The following SUGP2 variants were observed in gnomAD, a reference collection of about 807,000 sequenced individuals.
SUGP2 encodes the protein SURP and G-patch domain-containing protein 2.
In SUGP2, 24 loss-of-function variants were observed where a neutral mutation model predicts 90.5. The ratio of observed to expected loss-of-function variants is 0.27; its 90% CI spans 0.19 to 0.37. The LOEUF (loss-of-function observed/expected upper bound fraction) is 0.37, where lower values mean the gene tolerates loss of function less well. SUGP2 is among the 10% of genes least tolerant of loss of function. The pLI is 1.00. For synonymous variants in SUGP2, 473 were observed against 513.4 expected (o/e 0.92, Z 1.06); for missense variants, 1,233 against 1,363.3 (o/e 0.90, Z 1.51).
At chr19:19,020,007 A>AAG (rs1268240147) in intron 3 of SUGP2, among the ~76,000 whole-genome samples, 2 of 147,748 alleles carry the variant, frequency 1.4e-5, no homozygotes, top group Non-Finnish European at 3.0e-5. Flanking sequence ...AAAAAAAAAA[A>AAG]AAAAAAATTA....
chr19:19,026,544 C>T (rs1162487326), intron 2 of SUGP2, among the ~76,000 whole-genome samples: 1 of 152,160 alleles, frequency 6.6e-6, no homozygotes, highest in Non-Finnish European at 1.5e-5. Flanking sequence ...GCACCAACAG[C>T]CCTCGCTCAT....
intron 1 of SUGP2, among the ~76,000 whole-genome samples, chr19:19,031,652 G>A (rs1331539204): frequency 2.0e-5 from 3 of 152,044 alleles, no homozygotes; most frequent in East Asian, 1.9e-4. Context: ...GCAGTGAGCC[G>A]AGATCATGCC....
intron 6 of SUGP2, among the ~76,000 whole-genome samples, chr19:19,006,198 C>T (rs946239319): frequency 2.0e-5 from 3 of 148,600 alleles, no homozygotes; most frequent in African/African-American, 5.0e-5. Flanking sequence ...CCAGCTTGGG[C>T]GACAGAGTGA....
At chr19:18,998,128 A>G (rs1472965942) in intron 8 of SUGP2, among the ~76,000 whole-genome samples, 1 of 152,170 alleles carries the variant, frequency 6.6e-6, no homozygotes, top group East Asian at 1.9e-4. Flanking sequence ...GCCTCCATTC[A>G]TCTCTCCTAA....
chr19:19,024,403 C>A (rs2058843577), intron 3 of SUGP2, among the ~76,000 whole-genome samples: 1 of 152,214 alleles, frequency 6.6e-6, no homozygotes, highest in Non-Finnish European at 1.5e-5. Context: ...TGCCACCACA[C>A]CCGGCTGTCT....
In SUGP2 at chr19:18,994,068, G is replaced by A. The variant is rs1465578644; in HGVS notation, c.*298C>T. 14 of 255,274 alleles carry A rather than the reference G, an allele frequency of 5.5e-5. 1 individual carries two copies. Among genetic ancestry groups the A allele is most frequent in the Admixed American group, 2.2e-4 (4 of 18,358 alleles). The allele number at this position is 255,274 out of a possible 1,614,324, so 15.8% of individuals were successfully genotyped here. ...AGACAGGCGTGGCCTATTTCCACAC[G>A]CACATCCACGGAGGCTGGCCTGGAG... On this transcript the variant is annotated intron_variant, in intron 10 of 10. Coordinates refer to ENST00000452918, the MANE Select transcript of SUGP2 (RefSeq NM_001017392.5).
At chr19:18,994,534 G>C (rs770790727) in intron 9 of SUGP2, 48 bp from the exon 10 acceptor site, 2 of 1,604,206 alleles carry the variant, frequency 1.2e-6, no homozygotes, top group South Asian at 2.2e-5. Context: ...CCCAGGGCCT[G>C]GCATGCCAGG....
Position 18,993,664 on chromosome 19 carries a change from G to C in SUGP2, c.*77C>G, listed in dbSNP as rs965971123. 6.5e-6 allele frequency: 1 copy of C among 152,690 alleles called. No individual in the cohort carries two copies. The highest frequency in any genetic ancestry group is 1.5e-5 in the Non-Finnish European group (1 of 68,088). The allele number at this position is 152,690 out of a possible 1,614,324, so 9.5% of individuals were successfully genotyped here. On this transcript the variant is annotated 3_prime_UTR_variant, in exon 11 of 11. Coordinates refer to ENST00000452918, the MANE Select transcript of SUGP2 (RefSeq NM_001017392.5). The stretch of plus-strand genomic sequence containing the variant: ...AAACCGTACTTGGGCACTGGCTCCA[G>C]GCCGATCCAGGGCAGGGATGATGTT...
chr19:19,031,048 C>T lies in SUGP2; in HGVS notation c.24G>A (p.Gln8=). ...CTTGTAATACAGCATCAAAAGTCTC[C>T]TGTGTAATTCGTCTGGCTGCCATGT... MAARRIT[Q]ETFDAVLQEK... The change falls in exon 2 of 11, where the codon CAG becomes CAA. Residue 8 remains glutamine (Q), a synonymous_variant. Transcript: ENST00000452918. The T allele has an allele frequency of 6.2e-7, 1 of 1,613,216 alleles. No homozygotes were observed. Among genetic ancestry groups the T allele is most frequent in the Non-Finnish European group, 8.5e-7 (1 of 1,179,834 alleles).
rs34670209 is a variant in SUGP2, at chr19:19,007,755, C to CTTTTTTTTTTTTTTTTTTTTTTTTTTT, written c.2450+561_2450+562insAAAAAAAAAAAAAAAAAAAAAAAAAAA. 1.8e-5 allele frequency among the ~76,000 whole-genome samples: 2 copies of CTTTTTTTTTTTTTTTTTTTTTTTTTTT among 113,434 alleles called. 1 individual carries two copies. The allele number at this position is 113,434 out of a possible 152,430, so 74.4% of individuals were successfully genotyped here. ...ACAAGCATGAGCCATTGCACCTAGC[C>CTTTTTTTTTTTTTTTTTTTTTTTTTTT]TTTTTTTTTTTTTTTTTTTTTGGAG... On this transcript the variant is annotated intron_variant, in intron 6 of 10. Transcript: ENST00000452918.
intron 9 of SUGP2, 68 bp from the exon 10 acceptor site, chr19:18,994,554 T>C: frequency 1.3e-6 from 2 of 1,591,224 alleles, no homozygotes; most frequent in Non-Finnish European, 1.7e-6. Flanking sequence ...GAACTGGGCA[T>C]GGGCACAAAC....
At chr19:19,005,028 T>C (rs772160978) in intron 6 of SUGP2, among the ~76,000 whole-genome samples, 1 of 152,132 alleles carries the variant, frequency 6.6e-6, no homozygotes. Context: ...CTCCCAGGTA[T>C]GAGAAGCATG....
intron 1 of SUGP2, among the ~76,000 whole-genome samples, chr19:19,031,471 TTGCAGTGGGCCGAGA>T (rs2059147073): frequency 6.6e-6 from 1 of 151,322 alleles, no homozygotes; most frequent in South Asian, 2.1e-4. Flanking sequence ...GAGGCGGAGG[TTGCAGTGGGCCGAGA>T]TCATGCCACT....
At chr19:19,023,629 T>C (rs2058811489) in intron 3 of SUGP2, among the ~76,000 whole-genome samples, 1 of 152,174 alleles carries the variant, frequency 6.6e-6, no homozygotes, top group Non-Finnish European at 1.5e-5. Context: ...CCAGGTGCAG[T>C]GACTCACACC....
At chr19:19,022,369 A>G (rs1325505381) in intron 3 of SUGP2, among the ~76,000 whole-genome samples, 1 of 152,218 alleles carries the variant, frequency 6.6e-6, no homozygotes, top group African/African-American at 2.4e-5. Context: ...CCCGCTATCC[A>G]GACAGGGAAC....
chr19:19,006,166 G>A (rs1259968389), intron 6 of SUGP2, among the ~76,000 whole-genome samples: 1 of 151,606 alleles, frequency 6.6e-6, no homozygotes, highest in Non-Finnish European at 1.5e-5. Flanking sequence ...GTTGCAGTGA[G>A]CTGAGATCAC....
At chr19:19,002,663 G>A (rs1051356669) in intron 7 of SUGP2, among the ~76,000 whole-genome samples, 8 of 151,742 alleles carry the variant, frequency 5.3e-5, no homozygotes, top group East Asian at 2.0e-4. Flanking sequence ...TCAGGAATGC[G>A]TCACCACGCC....
At chr19:19,002,211 C>T (rs1001872558) in intron 7 of SUGP2, among the ~76,000 whole-genome samples, 10 of 152,104 alleles carry the variant, frequency 6.6e-5, no homozygotes, top group African/African-American at 2.4e-4. Flanking sequence ...GAAACCCCGT[C>T]TCTACTAAAA....
rs2057411096 is a variant in SUGP2 at position 18,992,640 on chromosome 19, C to CT, written c.*1100dup. Reference sequence around the variant, plus strand: ...GTGCTGGGATTACAGGCTTGAGCCACTGTGCCTGGCCCAAAGCCAGGATTT... The same window carrying CT: ...GTGCTGGGATTACAGGCTTGAGCCACTTGTGCCTGGCCCAAAGCCAGGATTT... On this transcript the variant is annotated 3_prime_UTR_variant, in exon 11 of 11. Coordinates refer to ENST00000452918, the MANE Select transcript of SUGP2 (RefSeq NM_001017392.5). The CT allele has an allele frequency of 6.6e-6, 1 of 152,262 alleles. No individual in the cohort carries two copies. The highest frequency in any genetic ancestry group is 2.1e-4 in the South Asian group (1 of 4,828). 9.4% of individuals were successfully genotyped at this position (152,262 alleles called of 1,614,324 possible).
Sources: allele counts gnomAD v4.1 joint callset (sites outside exome capture counted in the v4.1 genomes callset), GRCh38; gene constraint gnomAD v4.1.1; transcripts MANE v1.5; gene names NCBI Gene and HGNC (gene_info 2026-07-23, HGNC 2026-07-21).